Variants in PTTG1IP2 observed in about 807,000 individuals in gnomAD.
The protein encoded by PTTG1IP2 is PTTG1IP family member 2.
chr7:90,480,945 C>CTTTTTTT (rs1797808487), intron 2 of PTTG1IP2, among the ~76,000 whole-genome samples: 1 of 152,142 alleles, frequency 6.6e-6, no homozygotes, highest in African/African-American at 2.4e-5. Context: ...TAATTTTGGA[C>CTTTTTTT]TTTTATCATG....
intron 1 of PTTG1IP2, among the ~76,000 whole-genome samples, chr7:90,472,497 G>A (rs150241639): frequency 6.6e-6 from 1 of 152,248 alleles, no homozygotes; most frequent in East Asian, 1.9e-4. Context: ...ATAAATTGAA[G>A]GCCAAATAAT....
At chr7:90,495,151 G>T (rs1797979749) in intron 6 of PTTG1IP2, among the ~76,000 whole-genome samples, 1 of 152,176 alleles carries the variant, frequency 6.6e-6, no homozygotes. Flanking sequence ...TAATCTGTTT[G>T]TGCCTTAGTT....
intron 1 of PTTG1IP2, among the ~76,000 whole-genome samples, chr7:90,476,742 C>T (rs1463105139): frequency 6.6e-6 from 1 of 151,844 alleles, no homozygotes; most frequent in Non-Finnish European, 1.5e-5. Flanking sequence ...TATGACAAAC[C>T]TTTATTCACC....
chr7:90,490,296 A>C (rs1797923206), intron 4 of PTTG1IP2, among the ~76,000 whole-genome samples: 1 of 151,994 alleles, frequency 6.6e-6, no homozygotes, highest in Non-Finnish European at 1.5e-5. Context: ...TTCTTTCTTC[A>C]GATTGTACAC....
chr7:90,479,207 C>T (rs1797786406), intron 1 of PTTG1IP2, 21 bp from the exon 2 acceptor site: 1 of 152,372 alleles, frequency 6.6e-6, no homozygotes, highest in Non-Finnish European at 1.5e-5. Flanking sequence ...TAATTTTGGA[C>T]TTAATTTTTT....
intron 2 of PTTG1IP2, among the ~76,000 whole-genome samples, chr7:90,482,938 A>C: frequency 6.6e-6 from 1 of 152,194 alleles, no homozygotes; most frequent in Non-Finnish European, 1.5e-5. Flanking sequence ...TGCACAGTTC[A>C]TAGGAAATGA....
chr7:90,504,272 C>T (rs17865232), intron 6 of PTTG1IP2, among the ~76,000 whole-genome samples: 5,445 of 151,578 alleles, frequency 0.036, 215 homozygotes, highest in East Asian at 0.12. Context: ...GCCAAGATCA[C>T]GCCACTGCAC....
At chr7:90,504,199 C>T (rs2116117986) in intron 6 of PTTG1IP2, among the ~76,000 whole-genome samples, 1 of 152,160 alleles carries the variant, frequency 6.6e-6, no homozygotes, top group East Asian at 1.9e-4. Context: ...TGCCTGTAAT[C>T]TCAGCTACTC....
intron 1 of PTTG1IP2, 112 bp from the exon 2 acceptor site, chr7:90,479,116 A>G (rs1797785738): frequency 6.6e-6 from 1 of 152,608 alleles, no homozygotes; most frequent in African/African-American, 2.4e-5. Context: ...ATGCTGGGGT[A>G]TGGATGACTA....
intron 5 of PTTG1IP2, 38 bp from the exon 6 acceptor site, chr7:90,494,329 A>G (rs1361695287): frequency 6.6e-6 from 1 of 152,224 alleles, no homozygotes; most frequent in East Asian, 1.9e-4. Context: ...TTTCCTAGAT[A>G]GAATTTGAAA....
At chr7:90,512,014 G>A (rs867994636) in intron 6 of PTTG1IP2, among the ~76,000 whole-genome samples, 1 of 152,296 alleles carries the variant, frequency 6.6e-6, no homozygotes, top group Admixed American at 6.5e-5. Context: ...GCACCTTATA[G>A]TTCTTGACAT....
chr7:90,482,366 G>T (rs1185041362), intron 2 of PTTG1IP2, among the ~76,000 whole-genome samples: 2 of 152,006 alleles, frequency 1.3e-5, no homozygotes, highest in East Asian at 1.9e-4. Flanking sequence ...TATGATAAAT[G>T]ATATTCTTCT....
At position 90,497,234 on chromosome 7, in the gene PTTG1IP2, CCA is replaced by C. The variant is rs1798002218; in HGVS notation, c.*50+2805_*50+2806del. ...ATTGCTTAAGGCCAGGAGTTTGAAA[CCA>C]GCCTGGTCAACAGAGCAAGATCTCA... On this transcript the variant is annotated intron_variant, in intron 6 of 6. Coordinates refer to ENST00000509356, the MANE Select transcript of PTTG1IP2 (RefSeq NM_001365443.2). Among the ~76,000 whole-genome samples, 3 of 152,130 alleles carry C rather than the reference CCA, an allele frequency of 2.0e-5. No homozygotes were observed. The South Asian group carries it at 6.2e-4, about 32-fold the overall frequency.
intron 3 of PTTG1IP2, 68 bp downstream of exon 3, chr7:90,487,488 T>C (rs1797888340): frequency 6.6e-6 from 1 of 152,666 alleles, no homozygotes; most frequent in South Asian, 2.1e-4. Context: ...AGTGATTTGC[T>C]ACATTTGAAG....
At chr7:90,490,120 T>C (rs1797921043) in intron 4 of PTTG1IP2, among the ~76,000 whole-genome samples, 1 of 152,044 alleles carries the variant, frequency 6.6e-6, no homozygotes, top group Non-Finnish European at 1.5e-5. Context: ...TAGGAGAATT[T>C]TGTGGTTCCT....
intron 6 of PTTG1IP2, among the ~76,000 whole-genome samples, chr7:90,506,834 T>C (rs1798129511): frequency 6.6e-6 from 1 of 152,212 alleles, no homozygotes; most frequent in South Asian, 2.1e-4. Context: ...TCTTTCCTTT[T>C]TTCCTTCTGC....
intron 1 of PTTG1IP2, among the ~76,000 whole-genome samples, chr7:90,478,808 C>CA: frequency 6.9e-6 from 1 of 145,896 alleles, no homozygotes; most frequent in South Asian, 2.2e-4. Flanking sequence ...AGCTTTGTGG[C>CA]AAAAAAAGAT....
chr7:90,506,279 A>G (rs1798124376), intron 6 of PTTG1IP2, among the ~76,000 whole-genome samples: 1 of 152,022 alleles, frequency 6.6e-6, no homozygotes, highest in African/African-American at 2.4e-5. Context: ...TTTCCAACTA[A>G]ATCGGGAGCA....
chr7:90,493,239 T>C (rs1447959818), intron 5 of PTTG1IP2, among the ~76,000 whole-genome samples: 2 of 152,116 alleles, frequency 1.3e-5, no homozygotes, highest in Non-Finnish European at 2.9e-5. Context: ...TACTTTGAGG[T>C]TGCAAAATCT....
Sources: allele counts gnomAD v4.1 joint callset (sites outside exome capture counted in the v4.1 genomes callset), GRCh38; gene constraint gnomAD v4.1.1; transcripts MANE v1.5; gene names NCBI Gene and HGNC (gene_info 2026-07-23, HGNC 2026-07-21).